CFAP46: variants seen among roughly 807,000 people sequenced by gnomAD.
The protein encoded by CFAP46 is cilia and flagella associated protein 46.
In CFAP46, 245 loss-of-function variants were observed where a neutral mutation model predicts 325.7. The observed-to-expected ratio is 0.75, with a 90% CI of 0.68 to 0.84. The LOEUF is 0.84. Ranked by LOEUF, CFAP46 falls within the 40% of genes least tolerant of loss-of-function variation. The pLI, the probability that CFAP46 is intolerant of heterozygous loss-of-function variation, is 0.00. For missense variants in CFAP46, 3,346 were observed against 3,543.0 expected, an observed-to-expected ratio of 0.94 and a Z score of 1.41; for synonymous variants, 1,523 against 1,495.9, an observed-to-expected ratio of 1.02 and a Z score of -0.42.
At position 132,892,361 on chromosome 10, in the gene CFAP46, G is replaced by A. The variant is rs561458216; in HGVS notation, c.3276C>T (p.Gly1092=). The change falls in exon 25 of 58, where the codon GGC becomes GGT. Residue 1092 remains glycine (G), a synonymous_variant. Coordinates refer to ENST00000368586, the MANE Select transcript of CFAP46 (RefSeq NM_001200049.3). ...GAAGAAAATATCCTTCGGTCGTCCC[G>A]CCACCCTGGAAGTCGGCCGTGGGCC... ...HQWPTADFQG[G]GTTEGYFLPG... 13 of 1,550,800 alleles carry A rather than the reference G, an allele frequency of 8.4e-6. No homozygotes were observed. Among genetic ancestry groups the A allele is most frequent in the Admixed American group, 7.8e-5 (4 of 50,992 alleles).
At position 132,921,078 on chromosome 10, in the gene CFAP46, C is replaced by T. The variant is rs747738424; in HGVS notation, c.1607-896G>A. ...GAGTCGCCAACCTTCCCTTGCAGGG[C>T]GCGACCCACCCTGCGTCTGCCCATC... On this transcript the variant is annotated intron_variant, in intron 13 of 57. Coordinates refer to ENST00000368586, the MANE Select transcript of CFAP46 (RefSeq NM_001200049.3). Among the ~76,000 whole-genome samples the T allele has an allele frequency of 7.2e-5, 11 of 152,372 alleles. No homozygotes were observed. In the East Asian group the frequency reaches 1.2e-3, roughly 16 times the overall value.
intron 19 of CFAP46, among the ~76,000 whole-genome samples, chr10:132,912,412 T>C: frequency 8.2e-6 from 1 of 121,232 alleles, no homozygotes; most frequent in East Asian, 2.5e-4. Flanking sequence ...CTCTCTCTGC[T>C]CATCTCTCTC....
intron 22 of CFAP46, among the ~76,000 whole-genome samples, chr10:132,903,849 T>A (rs1260619459): frequency 6.6e-6 from 1 of 152,244 alleles, no homozygotes; most frequent in Non-Finnish European, 1.5e-5. Context: ...AAGGTCCAAA[T>A]GACACTCTTA....
Position 132,886,089 on chromosome 10 carries a change from C to A in CFAP46, c.3305-130G>T. 1 of 1,247,786 alleles carries A rather than the reference C, an allele frequency of 8.0e-7. No individual in the cohort carries two copies. The highest frequency in any genetic ancestry group is 1.1e-6 in the Non-Finnish European group (1 of 905,468). 77.3% of individuals were successfully genotyped at this position (1,247,786 alleles called of 1,614,324 possible). On this transcript the variant is annotated intron_variant, in intron 25 of 57. Transcript: ENST00000368586. The surrounding 1 kb of genome is among the most constrained non-coding windows in gnomAD (Gnocchi z 5.8). ...AACCGCGGCTACAGAGGTGCCCAGGCCAGCGCATGCCCCGCAGGGCTGAAG... is the reference window on the plus strand; with the variant it reads ...AACCGCGGCTACAGAGGTGCCCAGGACAGCGCATGCCCCGCAGGGCTGAAG...
At chr10:132,857,539 T>C in intron 39 of CFAP46, 51 bp downstream of exon 39, 1 of 1,568,294 alleles carries the variant, frequency 6.4e-7, no homozygotes, top group Non-Finnish European at 8.6e-7. Context: ...GTGGGGTTTA[T>C]ATCCCGGTGG....
At chr10:132,929,260 T>A (rs563235480) in intron 9 of CFAP46, 1 of 576,056 alleles carries the variant, frequency 1.7e-6, no homozygotes, top group African/African-American at 1.9e-5. Context: ...ACAGAAGTGA[T>A]GTGGCTGTGG....
intron 8 of CFAP46, among the ~76,000 whole-genome samples, chr10:132,930,179 G>A (rs1231000140): frequency 1.3e-5 from 2 of 152,126 alleles, no homozygotes; most frequent in African/African-American, 4.8e-5. Flanking sequence ...CACATCTGCA[G>A]CTCAGCGAGG....
intron 26 of CFAP46, 59 bp downstream of exon 26, chr10:132,885,762 G>T (rs1264293873): frequency 4.1e-5 from 61 of 1,490,848 alleles, no homozygotes; most frequent in Non-Finnish European, 5.3e-5. Flanking sequence ...CTCACAGGCG[G>T]TGGGGGGAGC....
At chr10:132,896,291 G>C (rs12250248) in intron 24 of CFAP46, among the ~76,000 whole-genome samples, 1,543 of 144,802 alleles carry the variant, frequency 0.011, 32 homozygotes, top group African/African-American at 0.037. Context: ...CAGCCAGGCT[G>C]TGTGTGCCAC....
chr10:132,870,355 G>A (rs1848879992), intron 32 of CFAP46, among the ~76,000 whole-genome samples: 1 of 152,084 alleles, frequency 6.6e-6, no homozygotes, highest in African/African-American at 2.4e-5. Context: ...GAAAGGAACA[G>A]GCGCACGTCT....
chr10:132,885,859 G>T lies in CFAP46; in HGVS notation c.3405C>A (p.Asp1135Glu), dbSNP rs779731091. 2.6e-6 allele frequency: 4 copies of T among 1,549,160 alleles called. No individual in the cohort carries two copies. The South Asian group carries it at 4.8e-5, about 18-fold the overall frequency. ...TCCTTGGCAGCACCTGCACAGCCTC[G>T]TCCAGCACCTTGAGGCCGCCCTCCC... ...DDWEGGLKVL[D>E]EAVQVLPRTA... The change falls in exon 26 of 58, where the codon GAC (aspartate) becomes GAA (glutamate). Residue 1135 changes from aspartate (D) to glutamate (E), a missense_variant. Coordinates refer to ENST00000368586, the MANE Select transcript of CFAP46 (RefSeq NM_001200049.3).
chr10:132,869,251 G>A lies in CFAP46; in HGVS notation c.4610+23C>T, dbSNP rs778897177. The stretch of plus-strand genomic sequence containing the variant: ...AAGGGCGAGACTCAAACCCCAGGCG[G>A]CGCAGGGTGGGACGGCACACACCTG... On this transcript the variant is annotated intron_variant, in intron 33 of 57. Coordinates refer to ENST00000368586, the MANE Select transcript of CFAP46 (RefSeq NM_001200049.3). This position sits in a 1 kb window ranked among gnomAD's most constrained non-coding sequence, Gnocchi z 6.2. 6.8e-5 allele frequency: 102 copies of A among 1,502,036 alleles called. No individual in the cohort carries two copies. The highest frequency in any genetic ancestry group is 8.6e-5 in the Non-Finnish European group (96 of 1,119,892). The allele number at this position is 1,502,036 out of a possible 1,614,324, so 93.0% of individuals were successfully genotyped here. A position where few individuals can be genotyped will look rare whatever the true frequency, so the allele number is the denominator to read the frequency against.
In CFAP46 at chr10:132,913,127, A is replaced by C. The variant is rs1849579901; in HGVS notation, c.2252T>G (p.Leu751Arg). 6.4e-7 allele frequency: 1 copy of C among 1,550,422 alleles called. No individual in the cohort carries two copies. Among genetic ancestry groups the C allele is most frequent in the Non-Finnish European group, 8.7e-7 (1 of 1,146,994 alleles). ...VVYVLNHNHH[L>R]ILAGRQKELV... is the part of the protein sequence containing the mutation. Reference sequence around the variant, plus strand: ...CTCCTTCTGCCGCCCGGCCAGGATCAGGTGGTGGTTGTGGTTCAGGACGTA... The same window carrying C: ...CTCCTTCTGCCGCCCGGCCAGGATCCGGTGGTGGTTGTGGTTCAGGACGTA... The change falls in exon 18 of 58, where the codon CTG (leucine) becomes CGG (arginine). Residue 751 changes from leucine (L) to arginine (R), a missense_variant. Leu to Arg is a moderately radical substitution (Grantham distance 102). Transcript: ENST00000368586.
chr10:132,812,877 G>A lies in CFAP46; in HGVS notation c.7409C>T (p.Ala2470Val), dbSNP rs764849110. The A allele has an allele frequency of 2.0e-5, 32 of 1,609,008 alleles. No homozygotes were observed. The Admixed American group carries it at 4.7e-4, about 23-fold the overall frequency. Residue 2470 changes from alanine to valine, a missense_variant, in exon 55 of 58, where the codon GCC becomes GTC. Transcript: ENST00000368586. ...HFPSQAQWEQ[A>V]LGSCSGFFFY... ...GAAGAAACCGCTGCAGCTGCCCAGGGCCTGCTCCCACTGGGCCTGGCTGCA... is the reference window on the plus strand; with the variant it reads ...GAAGAAACCGCTGCAGCTGCCCAGGACCTGCTCCCACTGGGCCTGGCTGCA...
chr10:132,893,774 A>C (rs7088613), intron 24 of CFAP46, among the ~76,000 whole-genome samples: 21,961 of 151,712 alleles, frequency 0.14, 2,590 homozygotes, highest in African/African-American at 0.32. Flanking sequence ...ATAAACTCTC[A>C]CTCCTGCTCT....
At chr10:132,910,258 C>T (rs187331907) in intron 19 of CFAP46, among the ~76,000 whole-genome samples, 190 bp from the exon 20 acceptor site, 1 of 152,346 alleles carries the variant, frequency 6.6e-6, no homozygotes, top group Non-Finnish European at 1.5e-5. Flanking sequence ...CCCCAGACGC[C>T]GAGGACGCAG....
intron 29 of CFAP46, among the ~76,000 whole-genome samples, chr10:132,878,669 T>C (rs1241850909): frequency 6.6e-6 from 1 of 152,090 alleles, no homozygotes; most frequent in Non-Finnish European, 1.5e-5. Flanking sequence ...GCCCCGGGTC[T>C]GGCAGTGGTT....
intron 34 of CFAP46, 65 bp downstream of exon 34, chr10:132,867,310 C>A (rs1848829172): frequency 2.0e-6 from 3 of 1,521,012 alleles, no homozygotes; most frequent in African/African-American, 2.8e-5. Flanking sequence ...TGCAGCCCTG[C>A]ATGGCCACGA....
At chr10:132,935,650 T>C (rs2135721392) in intron 7 of CFAP46, among the ~76,000 whole-genome samples, 2 of 137,358 alleles carry the variant, frequency 1.5e-5, no homozygotes, top group African/African-American at 5.9e-5. Context: ...CTCACTCCCC[T>C]CAGCACCCAA....
Sources: allele counts gnomAD v4.1 joint callset (sites outside exome capture counted in the v4.1 genomes callset), GRCh38; gene constraint gnomAD v4.1.1; non-coding constraint Gnocchi (gnomAD v3.1); transcripts MANE v1.5; gene names NCBI Gene and HGNC (gene_info 2026-07-23, HGNC 2026-07-21).